Variants in ACP3 observed in about 807,000 individuals in gnomAD.
ACP3 encodes acid phosphatase 3.
In ACP3, 38 loss-of-function variants were observed where a neutral mutation model predicts 45.6. That is an observed-to-expected ratio of 0.83 (90% CI 0.64 to 1.09). The LOEUF is 1.09. ACP3 is among the 50% of genes least tolerant of loss of function. The pLI is 0.00. For synonymous variants in ACP3, 162 were observed against 164.7 expected, an observed-to-expected ratio of 0.98 and a Z score of 0.13; for missense variants, 466 against 463.2, an observed-to-expected ratio of 1.01 and a Z score of -0.05.
chr3:132,340,590 A>G (rs1937543023), intron 5 of ACP3, among the ~76,000 whole-genome samples: 1 of 152,188 alleles, frequency 6.6e-6, no homozygotes, highest in Non-Finnish European at 1.5e-5. Context: ...TCATACTGGT[A>G]GAAGGTATCC....
chr3:132,344,489 G>T (rs1937586186), intron 6 of ACP3, among the ~76,000 whole-genome samples: 1 of 151,966 alleles, frequency 6.6e-6, no homozygotes, highest in Non-Finnish European at 1.5e-5. Context: ...AGACCTTGAT[G>T]GGGGTAGGGG....
chr3:132,350,311 T>C (rs976808558), intron 8 of ACP3, among the ~76,000 whole-genome samples: 3 of 152,200 alleles, frequency 2.0e-5, no homozygotes, highest in Admixed American at 1.3e-4. Flanking sequence ...CAGAAAGGCT[T>C]CCTAGACAAG....
chr3:132,354,302 T>C (rs1419620296), intron 9 of ACP3, among the ~76,000 whole-genome samples: 1 of 152,094 alleles, frequency 6.6e-6, no homozygotes, highest in African/African-American at 2.4e-5. Context: ...ACCCCAGTGG[T>C]CCAGAGCTTG....
intron 7 of ACP3, among the ~76,000 whole-genome samples, chr3:132,348,286 C>T (rs572641404): frequency 1.6e-4 from 25 of 152,236 alleles, no homozygotes; most frequent in South Asian, 1.2e-3. Flanking sequence ...TAGCTTTCCA[C>T]GATAGCATGT....
chr3:132,336,567 A>T (rs969762979), intron 4 of ACP3, among the ~76,000 whole-genome samples: 1 of 152,218 alleles, frequency 6.6e-6, no homozygotes, highest in Non-Finnish European at 1.5e-5. Context: ...AGTTGAATTC[A>T]TTTTAATATG....
At position 132,317,453 on chromosome 3, in the gene ACP3, CAACAT is replaced by C. The variant is rs768690412; in HGVS notation, c.-3_2del. 2.0e-5 allele frequency: 32 copies of C among 1,611,206 alleles called. No individual in the cohort carries two copies. The highest frequency in any genetic ancestry group is 2.3e-5 in the Non-Finnish European group (27 of 1,179,024). On this transcript the variant is annotated start_lost and 5_prime_UTR_variant, in exon 1 of 10. Coordinates refer to ENST00000336375, the MANE Select transcript of ACP3 (RefSeq NM_001099.5). The stretch of plus-strand genomic sequence containing the variant: ...AACTCCTGCCAGAAACAGCTCTCCT[CAACAT>C]GAGAGCTGCACCCCTCCTCCTGGCC...
At chr3:132,317,946 T>C (rs1346668555) in intron 1 of ACP3, among the ~76,000 whole-genome samples, 2 of 152,240 alleles carry the variant, frequency 1.3e-5, no homozygotes, top group Non-Finnish European at 2.9e-5. Context: ...TTAATCATTA[T>C]TTGTTTGCAA....
intron 1 of ACP3, among the ~76,000 whole-genome samples, chr3:132,320,795 C>T (rs987292134): frequency 1.1e-4 from 16 of 151,928 alleles, no homozygotes; most frequent in Admixed American, 9.2e-4. Context: ...GGATTACAGG[C>T]GTGTGCCACC....
At chr3:132,335,162 T>C (rs2107801355) in intron 4 of ACP3, among the ~76,000 whole-genome samples, 1 of 152,292 alleles carries the variant, frequency 6.6e-6, no homozygotes, top group East Asian at 1.9e-4. Context: ...TATGGAACAA[T>C]TTGAAAGCCA....
At chr3:132,363,372 T>C (rs1310721154), downstream of ACP3, among the ~76,000 whole-genome samples, 1 of 152,210 alleles carries the variant, frequency 6.6e-6, no homozygotes, top group African/African-American at 2.4e-5. Context: ...CAATTCTTTT[T>C]TGTGGTCCCA....
At chr3:132,334,370 C>G (rs1937455217) in intron 4 of ACP3, among the ~76,000 whole-genome samples, 1 of 152,196 alleles carries the variant, frequency 6.6e-6, no homozygotes, top group Non-Finnish European at 1.5e-5. Flanking sequence ...CTAGCTTATT[C>G]CTAGCATTTA....
rs758538660 is a variant in ACP3, at chr3:132,332,201, C to T, written c.313C>T (p.Arg105Ter). 14 of 1,613,914 alleles carry T rather than the reference C, an allele frequency of 8.7e-6. No homozygotes were observed. Among genetic ancestry groups the T allele is most frequent in the Admixed American group, 6.7e-5 (4 of 59,978 alleles). ...ESYKHEQVYI[R>*]STDVDRTLMS... ...GATTTTCCTACTCTAGGTTTATATT[C>T]GAAGCACAGACGTTGACCGGACTTT... Residue 105 changes from arginine to a stop codon, truncating the protein, a stop_gained, in exon 4 of 10, where the codon CGA becomes TGA. Transcript: ENST00000336375. LOFTEE classifies it high-confidence loss of function.
chr3:132,325,619 C>CACACACACACACACACA (rs1308503169), intron 1 of ACP3, among the ~76,000 whole-genome samples: 9 of 151,382 alleles, frequency 5.9e-5, no homozygotes, highest in Non-Finnish European at 1.0e-4. Context: ...CACACACACA[C>CACACACACACACACACA]CCCTTCCAAT....
chr3:132,324,227 A>C (rs1441716298), intron 1 of ACP3, among the ~76,000 whole-genome samples: 1 of 151,804 alleles, frequency 6.6e-6, no homozygotes, highest in East Asian at 1.9e-4. Context: ...TCAAAAAAAA[A>C]AAAAAAAAAA....
At chr3:132,333,525 C>A (rs958083007) in intron 4 of ACP3, 1 of 152,548 alleles carries the variant, frequency 6.6e-6, no homozygotes, top group African/African-American at 2.4e-5. Context: ...CCTGCCAGTA[C>A]CCCTAGAAAT....
downstream of ACP3, among the ~76,000 whole-genome samples, chr3:132,360,259 G>A (rs1938014843): frequency 6.7e-6 from 1 of 149,644 alleles, no homozygotes; most frequent in African/African-American, 2.5e-5. Flanking sequence ...AAAAGTACAG[G>A]ATGCCGAGAT....
chr3:132,331,571 A>G, intron 2 of ACP3, 76 bp from the exon 3 acceptor site: 3 of 1,217,208 alleles, frequency 2.5e-6, no homozygotes, highest in Non-Finnish European at 3.5e-6. Flanking sequence ...TGAAAAAAAA[A>G]ATCAACAAAT....
At chr3:132,364,716 A>T (rs1559847013) in intron 10 of ACP3, among the ~76,000 whole-genome samples, 1 of 152,234 alleles carries the variant, frequency 6.6e-6, no homozygotes, top group Non-Finnish European at 1.5e-5. Flanking sequence ...CTCAGCATCC[A>T]GTACAGCCTA....
chr3:132,358,406 C>A lies in ACP3; in HGVS notation c.*1528C>A. 6 of 1,255,534 alleles carry A rather than the reference C, an allele frequency of 4.8e-6. No individual in the cohort carries two copies. In the South Asian group the frequency reaches 6.7e-5, roughly 14 times the overall value. The allele number at this position is 1,255,534 out of a possible 1,614,324, so 77.8% of individuals were successfully genotyped here. On this transcript the variant is annotated 3_prime_UTR_variant, in exon 10 of 10. Transcript: ENST00000336375. The stretch of plus-strand genomic sequence containing the variant: ...TGCCGATATCTTCAGAAAACCTAAG[C>A]AAACTTACAGGTCCTGCTGAAACTG...
Sources: gnomAD v4.1 joint callset for allele counts (sites outside exome capture counted in the v4.1 genomes callset) on GRCh38, gnomAD v4.1.1 for gene constraint, MANE v1.5 for transcripts, NCBI Gene and HGNC (gene_info 2026-07-23, HGNC 2026-07-21) for gene names.